Variants in KAT2B observed in about 807,000 individuals in gnomAD.
KAT2B encodes histone acetyltransferase KAT2B.
A neutral mutation model predicts 105.9 loss-of-function variants in KAT2B; 36 were observed. The observed-to-expected ratio is 0.34, with a 90% CI of 0.26 to 0.45. The LOEUF is 0.45. Among genes scored for constraint, KAT2B ranks in the 20% least tolerant of loss-of-function variants. The pLI is 1.00. For synonymous variants in KAT2B, 397 were observed against 377.9 expected (o/e 1.05, Z -0.59); for missense variants, 820 against 1,021.6 (o/e 0.80, Z 2.69).
intron 7 of KAT2B, among the ~76,000 whole-genome samples, chr3:20,115,946 C>T (rs933768489): frequency 3.9e-5 from 6 of 152,284 alleles, no homozygotes; most frequent in Admixed American, 3.3e-4. Context: ...AGGTTTTCAT[C>T]TGAACCTCAA....
At chr3:20,041,052 G>C (rs1697709740) in intron 1 of KAT2B, among the ~76,000 whole-genome samples, 1 of 152,178 alleles carries the variant, frequency 6.6e-6, no homozygotes, top group Admixed American at 6.5e-5. Context: ...CCGAGCTCCC[G>C]GGCTACCTTG....
intron 9 of KAT2B, among the ~76,000 whole-genome samples, chr3:20,124,252 C>A (rs1015760040): frequency 2.0e-5 from 3 of 152,036 alleles, no homozygotes; most frequent in Admixed American, 1.3e-4. Context: ...AAAGAAATAC[C>A]TGAGACTGGG....
chr3:20,135,291 C>G (rs1699581022), intron 11 of KAT2B, among the ~76,000 whole-genome samples: 2 of 152,124 alleles, frequency 1.3e-5, no homozygotes, highest in African/African-American at 4.8e-5. Context: ...ATACCGTCCC[C>G]TTATTATTAT....
Position 20,152,298 on chromosome 3 carries a change from T to A in KAT2B, c.2306-34T>A, listed in dbSNP as rs777613324. On this transcript the variant is annotated intron_variant, in intron 17 of 17. Transcript: ENST00000263754. ...TTTGTCAGCTGGTGTTTAAAGGGAGTCAAAGATTGCTAATATTTTTTTTTC... is the reference window on the plus strand; with the variant it reads ...TTTGTCAGCTGGTGTTTAAAGGGAGACAAAGATTGCTAATATTTTTTTTTC... The A allele has an allele frequency of 4.7e-5, 72 of 1,542,794 alleles. No individual in the cohort carries two copies. The Admixed American group carries it at 1.2e-3, about 26-fold the overall frequency.
At chr3:20,146,171 C>T in intron 13 of KAT2B, 145 bp from the exon 14 acceptor site, 1 of 613,382 alleles carries the variant, frequency 1.6e-6, no homozygotes, top group Non-Finnish European at 2.9e-6. Context: ...TCATTTCTTA[C>T]TTGTTAAATA....
rs371548043 is a variant in KAT2B at position 20,040,695 on chromosome 3, C to T, written c.218C>T (p.Ala73Val). The T allele has an allele frequency of 4.9e-5, 78 of 1,578,240 alleles. No individual in the cohort carries two copies. The African/African-American group carries it at 8.2e-4, about 17-fold the overall frequency. ...GAAGGACCGGGAGGCGGTGGCTCGGCCCGAATCGCCGTGAAGAAAGCGCAA... is the reference window on the plus strand; with the variant it reads ...GAAGGACCGGGAGGCGGTGGCTCGGTCCGAATCGCCGTGAAGAAAGCGCAA... ...TAEGPGGGGS[A>V]RIAVKKAQLR... The change falls in exon 1 of 18, where the codon GCC (alanine) becomes GTC (valine). Residue 73 changes from alanine (A) to valine (V), a missense_variant. Ala to Val is a moderately conservative substitution (Grantham distance 64). This residue lies in a region of KAT2B where 190 missense variants were observed against 176.7 expected (regional missense o/e 1.08). Transcript: ENST00000263754.
rs1381125830 is a variant in KAT2B, at chr3:20,040,793, C to T, written c.303+13C>T. On this transcript the variant is annotated intron_variant, in intron 1 of 17. Coordinates refer to ENST00000263754, the MANE Select transcript of KAT2B (RefSeq NM_003884.5). ...CTCCGCCTGCAAGGTACGCGCTCGC[C>T]GCTCTCGGACCGCGGATGGGTGCTA... The T allele has an allele frequency of 1.3e-6, 2 of 1,581,398 alleles. No individual in the cohort carries two copies. Among genetic ancestry groups the T allele is most frequent in the Non-Finnish European group, 8.6e-7 (1 of 1,168,538 alleles).
intron 2 of KAT2B, among the ~76,000 whole-genome samples, chr3:20,075,442 T>C (rs4858754): frequency 0.41 from 62,550 of 151,524 alleles, 13,217 homozygotes; most frequent in South Asian, 0.5. Context: ...CATGACCTAC[T>C]TGGAGATAGC....
At chr3:20,071,610 C>G (rs144796121) in intron 1 of KAT2B, among the ~76,000 whole-genome samples, 419 of 152,314 alleles carry the variant, frequency 2.8e-3, no homozygotes, top group African/African-American at 9.4e-3. Flanking sequence ...AAGGCTACAT[C>G]ATGTTCACTC....
At chr3:20,144,276 CTTTTTT>C (rs761735374) in intron 13 of KAT2B, among the ~76,000 whole-genome samples, 13 of 89,394 alleles carry the variant, frequency 1.5e-4, no homozygotes, top group African/African-American at 3.1e-4. Context: ...CCTTGGGATT[CTTTTTT>C]TTTTTTTTTT....
intron 11 of KAT2B, among the ~76,000 whole-genome samples, chr3:20,132,474 C>G (rs1006147999): frequency 2.6e-5 from 4 of 152,054 alleles, no homozygotes; most frequent in African/African-American, 9.7e-5. Flanking sequence ...CTGAAGTTAC[C>G]AGATAGTTAG....
At chr3:20,080,885 A>G (rs1698506913) in intron 2 of KAT2B, among the ~76,000 whole-genome samples, 1 of 152,238 alleles carries the variant, frequency 6.6e-6, no homozygotes, top group African/African-American at 2.4e-5. Context: ...TTATTTAATG[A>G]ATTTCACCTG....
At position 20,095,224 on chromosome 3, in the gene KAT2B, ATTGAGGTC is replaced by A. The variant is rs753479283; in HGVS notation, c.431-36_431-29del. 8.3e-6 allele frequency: 13 copies of A among 1,569,146 alleles called. No individual in the cohort carries two copies. The South Asian group carries it at 1.5e-4, about 18-fold the overall frequency. ...AAAAATGGGGAATGTTTGGTTTCCAATTGAGGTCTTACATATGTTTCTTTGATCTTATC... is the reference window on the plus strand; with the variant it reads ...AAAAATGGGGAATGTTTGGTTTCCAATTACATATGTTTCTTTGATCTTATC... On this transcript the variant is annotated intron_variant, in intron 2 of 17. Transcript: ENST00000263754.
At chr3:20,142,877 C>G (rs3804565) in intron 13 of KAT2B, among the ~76,000 whole-genome samples, 128 of 149,896 alleles carry the variant, frequency 8.5e-4, no homozygotes, top group Non-Finnish European at 1.5e-3. Flanking sequence ...AATTGGGTAT[C>G]TATGTGCCTG....
intron 2 of KAT2B, among the ~76,000 whole-genome samples, chr3:20,080,200 G>A (rs1206925269): frequency 6.6e-6 from 1 of 152,166 alleles, no homozygotes; most frequent in African/African-American, 2.4e-5. Flanking sequence ...ATCTGTAGTT[G>A]AGCAAGCAGG....
At chr3:20,042,760 C>T (rs904344958) in intron 1 of KAT2B, among the ~76,000 whole-genome samples, 1 of 152,090 alleles carries the variant, frequency 6.6e-6, no homozygotes, top group African/African-American at 2.4e-5. Context: ...TGTCTAAAAC[C>T]ATGAGCATAT....
chr3:20,138,969 C>T lies in KAT2B; in HGVS notation c.1861-1252C>T, dbSNP rs375775704. Among the ~76,000 whole-genome samples the T allele has an allele frequency of 3.3e-4, 51 of 152,310 alleles. No individual in the cohort carries two copies. In the South Asian group the frequency reaches 5.6e-3, roughly 17 times the overall value. On this transcript the variant is annotated intron_variant, in intron 12 of 17. Transcript: ENST00000263754. ...AGTGCTGTGGCATGATCATAGCTCA[C>T]TGCAGCCTCAACCTCCTGGGCTCAG...
chr3:20,056,542 A>T (rs994709549), intron 1 of KAT2B, among the ~76,000 whole-genome samples: 1 of 152,232 alleles, frequency 6.6e-6, no homozygotes, highest in African/African-American at 2.4e-5. Context: ...CATAGATGTC[A>T]GTTACTGTTA....
At chr3:20,090,829 G>C (rs1698704745) in intron 2 of KAT2B, among the ~76,000 whole-genome samples, 1 of 152,046 alleles carries the variant, frequency 6.6e-6, no homozygotes, top group Admixed American at 6.6e-5. Context: ...CAATCTTGTG[G>C]GGTGGGTTCA....
Sources: allele counts gnomAD v4.1 joint callset (sites outside exome capture counted in the v4.1 genomes callset), GRCh38; gene constraint gnomAD v4.1.1; regional missense constraint gnomAD v4.1.1; transcripts MANE v1.5; gene names NCBI Gene and HGNC (gene_info 2026-07-23, HGNC 2026-07-21).